The following ABCC1 variants were observed in gnomAD, a reference collection of about 807,000 sequenced individuals.
The protein encoded by ABCC1 is multidrug resistance-associated protein 1.
ABCC1 carries 83 observed loss-of-function variants against 172.9 expected under a neutral mutation model. The observed-to-expected ratio is 0.48, with a 90% CI of 0.40 to 0.58. The LOEUF (loss-of-function observed/expected upper bound fraction) is 0.58. ABCC1 is among the 20% of genes least tolerant of loss of function. The pLI, the probability that ABCC1 is intolerant of heterozygous loss-of-function variation, is 0.00. For missense variants in ABCC1, 1,817 were observed against 2,002.7 expected, an observed-to-expected ratio of 0.91 and a Z score of 1.77; for synonymous variants, 937 against 825.2, an observed-to-expected ratio of 1.14 and a Z score of -2.32.
intron 16 of ABCC1, 21 bp downstream of exon 16, chr16:16,079,499 GA>G: frequency 6.3e-7 from 1 of 1,598,278 alleles, no homozygotes; most frequent in Non-Finnish European, 8.6e-7. Context: ...GACCAGCGGG[GA>G]GGGGCAGTGG....
chr16:16,104,247 G>A (rs1048205942), intron 20 of ABCC1, among the ~76,000 whole-genome samples: 3 of 152,146 alleles, frequency 2.0e-5, no homozygotes, highest in East Asian at 1.9e-4. Context: ...GCTGGCTCTG[G>A]CAGCCAGCTT....
In ABCC1 at chr16:16,064,644, T is replaced by C. The variant is rs997660683; in HGVS notation, c.1678-3512T>C. On this transcript the variant is annotated intron_variant, in intron 12 of 30. Coordinates refer to ENST00000399410, the MANE Select transcript of ABCC1 (RefSeq NM_004996.4). The stretch of plus-strand genomic sequence containing the variant: ...CCTGAGGCCTGGTTTGCTTCACTGC[T>C]GAAGAGACACCTGTGATGTGCTCTT... Among the ~76,000 whole-genome samples, 4 of 152,354 alleles carry C rather than the reference T, an allele frequency of 2.6e-5. No homozygotes were observed. The South Asian group carries it at 8.3e-4, about 32-fold the overall frequency.
At chr16:16,011,447 G>A (rs1046717083) in intron 3 of ABCC1, among the ~76,000 whole-genome samples, 2 of 151,932 alleles carry the variant, frequency 1.3e-5, no homozygotes, top group South Asian at 2.1e-4. Context: ...AGGTTGCCAA[G>A]GACCATGAAT....
chr16:16,051,537 A>G (rs2049429126), intron 10 of ABCC1, among the ~76,000 whole-genome samples: 1 of 152,150 alleles, frequency 6.6e-6, no homozygotes, highest in Admixed American at 6.5e-5. Context: ...GCGGTGTTCA[A>G]GAGAAGCCAG....
intron 5 of ABCC1, among the ~76,000 whole-genome samples, chr16:16,020,459 A>G (rs2048157126): frequency 6.6e-6 from 1 of 152,170 alleles, no homozygotes; most frequent in Non-Finnish European, 1.5e-5. Flanking sequence ...CATGGGCCGA[A>G]TCTGGCCTGC....
rs1045614485 is a variant in ABCC1 at position 16,009,913 on chromosome 16, C to A, written c.351+12C>A. ...TGGGCATCACCATGGTAAGTAGGAG[C>A]TGGCTGTGACCCCTGGGCCATCTGC... On this transcript the variant is annotated intron_variant, in intron 3 of 30. Transcript: ENST00000399410. 6 of 1,589,640 alleles carry A rather than the reference C, an allele frequency of 3.8e-6. No homozygotes were observed. Among genetic ancestry groups the A allele is most frequent in the Middle Eastern group, 1.7e-4 (1 of 5,854 alleles).
intron 23 of ABCC1, among the ~76,000 whole-genome samples, chr16:16,115,592 C>T (rs1227868714): frequency 6.6e-6 from 1 of 152,072 alleles, no homozygotes; most frequent in African/African-American, 2.4e-5. Flanking sequence ...GGTGATCCAC[C>T]CACCTCGACC....
intron 12 of ABCC1, among the ~76,000 whole-genome samples, chr16:16,063,478 G>A (rs945946815): frequency 6.6e-6 from 1 of 152,196 alleles, no homozygotes; most frequent in Admixed American, 6.5e-5. Flanking sequence ...CTCTGTAAAT[G>A]TATGTAGGTA....
At chr16:16,023,410 G>C (rs573703304) in intron 5 of ABCC1, among the ~76,000 whole-genome samples, 8 of 152,262 alleles carry the variant, frequency 5.3e-5, no homozygotes, top group Admixed American at 2.6e-4. Context: ...CCCCTGTCAA[G>C]ATATAGAACA....
intron 13 of ABCC1, 64 bp from the exon 14 acceptor site, chr16:16,071,578 C>G: frequency 2.1e-6 from 3 of 1,406,542 alleles, no homozygotes; most frequent in Non-Finnish European, 3.0e-6. Flanking sequence ...GAAAGTTAAC[C>G]TTGGTTGGTT....
intron 1 of ABCC1, among the ~76,000 whole-genome samples, chr16:15,969,434 G>A (rs1001917817): frequency 3.4e-5 from 5 of 148,402 alleles, no homozygotes; most frequent in South Asian, 2.1e-4. Context: ...GTGCAGTAGC[G>A]TGATCTCGGC....
In ABCC1 at chr16:16,138,470, C is replaced by A; in HGVS notation, c.4399C>A (p.Leu1467Ile). Residue 1467 changes from leucine to isoleucine, a missense_variant, in exon 30 of 31, where the codon CTC (leucine) becomes ATC (isoleucine). Leu to Ile is a conservative substitution (Grantham distance 5). This residue lies in a region of ABCC1 where 1,412 missense variants were observed against 1,600.3 expected (regional missense o/e 0.88). Coordinates refer to ENST00000399410, the MANE Select transcript of ABCC1 (RefSeq NM_004996.4). The part of the protein sequence containing the change: ...TAAVDLETDD[L>I]IQSTIRTQFE... ...AGCCGTGGACCTGGAAACGGACGACCTCATCCAGTCCACCATCCGGACACA... is the reference window on the plus strand; with the variant it reads ...AGCCGTGGACCTGGAAACGGACGACATCATCCAGTCCACCATCCGGACACA... The A allele has an allele frequency of 1.2e-6, 2 of 1,613,444 alleles. No homozygotes were observed. The highest frequency in any genetic ancestry group is 1.7e-6 in the Non-Finnish European group (2 of 1,179,546).
rs762208877 is a variant in ABCC1 at position 16,115,089 on chromosome 16, G to A, written c.3390+13G>A. ...CTTCTTCGTCCAGGTAAGGGGTGAGGTCTTAGTGTTCGGGACAAGCCCTAC... is the reference window on the plus strand; with the variant it reads ...CTTCTTCGTCCAGGTAAGGGGTGAGATCTTAGTGTTCGGGACAAGCCCTAC... On this transcript the variant is annotated intron_variant, in intron 23 of 30. Transcript: ENST00000399410. 2 of 1,611,398 alleles carry A rather than the reference G, an allele frequency of 1.2e-6. No homozygotes were observed. Among genetic ancestry groups the A allele is most frequent in the Non-Finnish European group, 1.7e-6 (2 of 1,177,834 alleles).
At chr16:16,006,144 G>A (rs2047524220) in intron 1 of ABCC1, among the ~76,000 whole-genome samples, 1 of 152,126 alleles carries the variant, frequency 6.6e-6, no homozygotes, top group Non-Finnish European at 1.5e-5. Context: ...AACCTATTTT[G>A]TACTTCTTAT....
At chr16:16,045,130 A>G (rs1054117415) in intron 8 of ABCC1, among the ~76,000 whole-genome samples, 1 of 151,906 alleles carries the variant, frequency 6.6e-6, no homozygotes, top group African/African-American at 2.4e-5. Context: ...GGTTGGGCGC[A>G]GTGGCTCATG....
chr16:16,008,701 G>GC (rs201723173), intron 2 of ABCC1, among the ~76,000 whole-genome samples: 1,781 of 151,778 alleles, frequency 0.012, 37 homozygotes, highest in African/African-American at 0.041. Context: ...AAATGAGCTG[G>GC]GTGTGGTGGC....
At chr16:16,032,210 C>T (rs529921552) in intron 5 of ABCC1, among the ~76,000 whole-genome samples, 1 of 152,240 alleles carries the variant, frequency 6.6e-6, no homozygotes, top group African/African-American at 2.4e-5. Context: ...AGGATGGTCT[C>T]GATCTCTTGA....
At chr16:16,003,944 T>TG (rs141828085) in intron 1 of ABCC1, among the ~76,000 whole-genome samples, 60,373 of 134,090 alleles carry the variant, frequency 0.45, 15,179 homozygotes, top group Non-Finnish European at 0.57. Flanking sequence ...ATGAATTGGT[T>TG]GGGGGGGGTG....
At chr16:16,138,328 C>T (rs549061443) in intron 29 of ABCC1, 36 bp from the exon 30 acceptor site, 6 of 1,550,438 alleles carry the variant, frequency 3.9e-6, no homozygotes, top group South Asian at 3.6e-5. Context: ...GTGGTTTGAC[C>T]CAACACTATC....
Sources: gnomAD v4.1 joint callset for allele counts (sites outside exome capture counted in the v4.1 genomes callset) on GRCh38, gnomAD v4.1.1 for gene constraint, gnomAD v4.1.1 regional missense constraint, MANE v1.5 for transcripts, NCBI Gene and HGNC (gene_info 2026-07-23, HGNC 2026-07-21) for gene names.